Variants in RYR1 observed in about 807,000 individuals in gnomAD.
The protein encoded by RYR1 is central core disease of muscle.
In RYR1, 342 loss-of-function variants were observed where a neutral mutation model predicts 583.5. The observed-to-expected ratio is 0.59, with a 90% CI of 0.54 to 0.64. The LOEUF is 0.64. RYR1 is among the 30% of genes least tolerant of loss of function. The pLI is 0.00. For missense variants in RYR1, 6,032 were observed against 6,917.2 expected, an observed-to-expected ratio of 0.87 and a Z score of 4.54; for synonymous variants, 2,791 against 2,822.5, an observed-to-expected ratio of 0.99 and a Z score of 0.35.
At chr19:38,568,005 G>C in intron 93 of RYR1, 88 bp downstream of exon 93, 4 of 1,464,466 alleles carry the variant, frequency 2.7e-6, no homozygotes, top group Non-Finnish European at 3.8e-6. Context: ...TTGTTCTTGA[G>C]TTCATCTGTT....
At chr19:38,468,023 A>C in intron 25 of RYR1, 1 of 509,862 alleles carries the variant, frequency 2.0e-6, no homozygotes, top group Non-Finnish European at 3.4e-6. Flanking sequence ...CCAACCAACA[A>C]TTCATCCATC....
intron 102 of RYR1, among the ~76,000 whole-genome samples, chr19:38,585,591 A>G (rs996029348): frequency 2.6e-5 from 4 of 151,448 alleles, no homozygotes; most frequent in African/African-American, 4.9e-5. Context: ...CTTCTGCCTC[A>G]GCCTCCTGAT....
chr19:38,466,068 A>G (rs747159722), intron 23 of RYR1, 23 bp from the exon 24 acceptor site: 2 of 1,594,406 alleles, frequency 1.3e-6, no homozygotes, highest in East Asian at 2.3e-5. Flanking sequence ...GCCTTGTCCC[A>G]TGGAGCCCTA....
intron 104 of RYR1, 54 bp downstream of exon 104, chr19:38,586,245 C>T: frequency 6.7e-7 from 1 of 1,501,854 alleles, no homozygotes; most frequent in South Asian, 1.1e-5. Flanking sequence ...TGCCAATAGC[C>T]AGCAGTGGGG....
In RYR1 at chr19:38,457,506, G is replaced by T. The variant is rs745511934; in HGVS notation, c.1801G>T (p.Val601Leu). The T allele has an allele frequency of 6.2e-7, 1 of 1,614,020 alleles. No homozygotes were observed. Among genetic ancestry groups the T allele is most frequent in the South Asian group, 1.1e-5 (1 of 91,068 alleles). The change falls in exon 17 of 106, where the codon GTG becomes TTG. Residue 601 changes from valine (V) to leucine (L), a missense_variant. Transcript: ENST00000359596. ...TGACCTTGACCTCTAGGTCCTGGAC[G>T]TGCTATGCTCCCTGTGTGTGTGTAA... ...KHGRNHKVLD[V>L]LCSLCVCNGV...
At chr19:38,569,051 C>T (rs1375687641) in intron 93 of RYR1, among the ~76,000 whole-genome samples, 2 of 151,608 alleles carry the variant, frequency 1.3e-5, no homozygotes, top group East Asian at 2.0e-4. Context: ...CGCTCTGTTG[C>T]CCAGGTTGGA....
chr19:38,529,972 G>GTTTA (rs572254302), intron 76 of RYR1, among the ~76,000 whole-genome samples: 118 of 152,034 alleles, frequency 7.8e-4, no homozygotes, highest in African/African-American at 2.3e-3. Context: ...TTTTCATTTT[G>GTTTA]TTTATTTATT....
rs142134147 is a variant in RYR1, at chr19:38,582,914, G to A, written c.14647-2029G>A. The stretch of plus-strand genomic sequence containing the variant: ...CTGAGGCTCTTCCAGACACGGCCTC[G>A]CTGCCCACAGCCTCGTTCTCATTAT... On this transcript the variant is annotated intron_variant, in intron 101 of 105. Transcript: ENST00000359596. Among the ~76,000 whole-genome samples, 524 of 152,198 alleles carry A rather than the reference G, an allele frequency of 3.4e-3. 4 individuals are homozygous for A. Among genetic ancestry groups the A allele is most frequent in the Middle Eastern group, 0.01 (3 of 294 alleles).
intron 27 of RYR1, among the ~76,000 whole-genome samples, chr19:38,471,042 C>T (rs1309745058): frequency 4.6e-5 from 7 of 152,142 alleles, no homozygotes; most frequent in Admixed American, 3.9e-4. Flanking sequence ...GACATAATGT[C>T]GAGTAGAAGA....
chr19:38,438,501 A>G (rs940344689), intron 1 of RYR1, among the ~76,000 whole-genome samples: 1 of 147,154 alleles, frequency 6.8e-6, no homozygotes, highest in Non-Finnish European at 1.5e-5. Context: ...CAGTCCTCCC[A>G]CCTCAGCCTC....
intron 71 of RYR1, among the ~76,000 whole-genome samples, chr19:38,526,078 G>A (rs1349807015): frequency 1.3e-5 from 2 of 151,830 alleles, no homozygotes; most frequent in Non-Finnish European, 1.5e-5. Context: ...GGAGCCCTGC[G>A]ACCCTGCATA....
At chr19:38,537,245 C>A (rs78492779) in intron 83 of RYR1, 5,451 of 232,440 alleles carry the variant, frequency 0.023, 138 homozygotes, top group Admixed American at 0.076. Context: ...TCCTCTGCGC[C>A]TGCCTCCTCT....
At chr19:38,514,456 T>C (rs933948322) in intron 63 of RYR1, among the ~76,000 whole-genome samples, 3 of 151,610 alleles carry the variant, frequency 2.0e-5, no homozygotes, top group African/African-American at 7.3e-5. Context: ...AATTTTTGTA[T>C]TTTTAGTAGA....
chr19:38,523,571 CTCCCTCCTCCCATT>C, intron 69 of RYR1: 3 of 604,098 alleles, frequency 5.0e-6, no homozygotes, highest in Non-Finnish European at 8.8e-6. Flanking sequence ...CCTGTATCTT[CTCCCTCCTCCCATT>C]TCCCTCCTCT....
At chr19:38,497,339 T>A (rs1378108569) in intron 42 of RYR1, among the ~76,000 whole-genome samples, 1 of 152,196 alleles carries the variant, frequency 6.6e-6, no homozygotes, top group Non-Finnish European at 1.5e-5. Flanking sequence ...TCCAGCCAGG[T>A]GGCCTTGGCA....
At chr19:38,529,837 CTTA>C in intron 76 of RYR1, among the ~76,000 whole-genome samples, 1 of 152,228 alleles carries the variant, frequency 6.6e-6, no homozygotes, top group East Asian at 1.9e-4. Context: ...TCATCAAATG[CTTA>C]TTATGTGTCA....
chr19:38,508,141 G>A (rs183502202), intron 58 of RYR1, among the ~76,000 whole-genome samples: 4 of 152,278 alleles, frequency 2.6e-5, no homozygotes, highest in Admixed American at 2.0e-4. Context: ...AGGTAGAGGG[G>A]ATTGGGAGTG....
At chr19:38,501,025 A>G in intron 47 of RYR1, 35 bp downstream of exon 47, 1 of 1,605,588 alleles carries the variant, frequency 6.2e-7, no homozygotes, top group Non-Finnish European at 8.5e-7. Flanking sequence ...CACCCTCCCC[A>G]CTTCCACAGA....
intron 88 of RYR1, 50 bp downstream of exon 88, chr19:38,546,576 G>C (rs766901952): frequency 6.1e-6 from 9 of 1,482,976 alleles, no homozygotes; most frequent in African/African-American, 1.4e-5. Flanking sequence ...GTTCAGAGAA[G>C]CCTGAGAATG....
Sources: allele counts gnomAD v4.1 joint callset (sites outside exome capture counted in the v4.1 genomes callset), GRCh38; gene constraint gnomAD v4.1.1; transcripts MANE v1.5; gene names NCBI Gene and HGNC (gene_info 2026-07-23, HGNC 2026-07-21).